The following ANKS1B variants were observed in gnomAD, a reference collection of about 807,000 sequenced individuals.
ANKS1B encodes the protein ankyrin repeat and sterile alpha motif domain-containing protein 1B.
Under a neutral mutation model 148.3 loss-of-function variants are expected in ANKS1B, and 36 were observed. The ratio of observed to expected loss-of-function variants is 0.24; its 90% CI spans 0.19 to 0.32. ANKS1B has a LOEUF of 0.32. Ranked by LOEUF, ANKS1B falls within the 10% of genes least tolerant of loss-of-function variation. The pLI is 1.00. For synonymous variants in ANKS1B, 542 were observed against 560.8 expected (o/e 0.97, Z 0.47); for missense variants, 1,157 against 1,542.6 (o/e 0.75, Z 4.19).
intron 17 of ANKS1B, among the ~76,000 whole-genome samples, chr12:98,843,116 C>T (rs1015807241): frequency 1.3e-5 from 2 of 152,226 alleles, no homozygotes; most frequent in African/African-American, 2.4e-5. Flanking sequence ...AAATTAATCA[C>T]ATCAACAGTG....
chr12:99,831,103 C>T (rs538381873), intron 1 of ANKS1B, among the ~76,000 whole-genome samples: 4 of 152,166 alleles, frequency 2.6e-5, no homozygotes, highest in Non-Finnish European at 5.9e-5. Context: ...AGCTCCACCA[C>T]ACTATCTTTG....
intron 4 of ANKS1B, among the ~76,000 whole-genome samples, chr12:99,785,495 A>G (rs1358716059): frequency 2.0e-5 from 3 of 151,680 alleles, no homozygotes; most frequent in African/African-American, 7.3e-5. Context: ...GTGCTGTGGC[A>G]TGATCTCAGC....
At chr12:99,382,108 G>A (rs1317480110) in intron 12 of ANKS1B, among the ~76,000 whole-genome samples, 1 of 152,192 alleles carries the variant, frequency 6.6e-6, no homozygotes, top group Non-Finnish European at 1.5e-5. Flanking sequence ...GAAGAGCAGT[G>A]AATGACCCAT....
At chr12:99,984,018 G>C (rs1029618856) in intron 1 of ANKS1B, 86 bp downstream of exon 1, 2 of 1,195,416 alleles carry the variant, frequency 1.7e-6, no homozygotes, top group Admixed American at 2.3e-5. Context: ...GCAGCCACCA[G>C]GTGCAATAAC....
At chr12:99,611,212 C>T (rs1435865423) in intron 9 of ANKS1B, among the ~76,000 whole-genome samples, 2 of 151,966 alleles carry the variant, frequency 1.3e-5, no homozygotes, top group Non-Finnish European at 2.9e-5. Flanking sequence ...TGGTATAAAA[C>T]CCTTATTTTA....
At chr12:98,951,896 C>G (rs1242007536) in intron 17 of ANKS1B, among the ~76,000 whole-genome samples, 1 of 152,164 alleles carries the variant, frequency 6.6e-6, no homozygotes, top group Non-Finnish European at 1.5e-5. Flanking sequence ...GATTCCAAGA[C>G]CTTTCATCAC....
Position 99,207,779 on chromosome 12 carries a change from T to A in ANKS1B, c.2419+36563A>T, listed in dbSNP as rs143357313. Among the ~76,000 whole-genome samples, 767 of 152,204 alleles carry A rather than the reference T, an allele frequency of 5.0e-3. 13 individuals carry two copies. Among genetic ancestry groups the A allele is most frequent in the South Asian group, 0.048 (231 of 4,828 alleles). On this transcript the variant is annotated intron_variant, in intron 14 of 26. Transcript: ENST00000683438. ...ATGAGGTATGAAAGATGTGTTTTTG[T>A]TAAGGAAGAAAGAGAGTAATTTTTC...
chr12:99,086,122 G>A (rs1271634045), intron 15 of ANKS1B, among the ~76,000 whole-genome samples: 11 of 152,150 alleles, frequency 7.2e-5, no homozygotes, highest in Admixed American at 1.3e-4. Flanking sequence ...TTCCAGTCCC[G>A]TGATGGAAAG....
chr12:99,098,761 C>T (rs2057081545), intron 15 of ANKS1B, among the ~76,000 whole-genome samples: 1 of 143,722 alleles, frequency 7.0e-6, no homozygotes, highest in South Asian at 2.3e-4. Context: ...ATTCAGGGTT[C>T]CCCCCCCCAC....
intron 17 of ANKS1B, chr12:98,931,866 TC>T (rs1456580477): frequency 1.3e-5 from 2 of 152,136 alleles, no homozygotes; most frequent in Non-Finnish European, 2.9e-5. Flanking sequence ...AGGCACTTTT[TC>T]CTGAAAGAGA....
intron 1 of ANKS1B, among the ~76,000 whole-genome samples, chr12:99,835,950 T>TG (rs1479549685): frequency 2.0e-5 from 3 of 152,126 alleles, no homozygotes; most frequent in African/African-American, 4.8e-5. Flanking sequence ...TAAAAGTTGA[T>TG]GAAAAATAAA....
chr12:99,479,349 G>A (rs1228278938), intron 10 of ANKS1B, among the ~76,000 whole-genome samples: 2 of 151,962 alleles, frequency 1.3e-5, no homozygotes, highest in African/African-American at 4.8e-5. Flanking sequence ...TAAATTCTCT[G>A]ACTCAGCAAT....
chr12:99,807,450 A>T (rs1055383107), intron 3 of ANKS1B, among the ~76,000 whole-genome samples: 1 of 152,166 alleles, frequency 6.6e-6, no homozygotes, highest in Non-Finnish European at 1.5e-5. Flanking sequence ...GGGACCCTTC[A>T]GACTATTTGA....
chr12:98,835,016 C>T (rs1377849671), intron 17 of ANKS1B, among the ~76,000 whole-genome samples: 4 of 152,142 alleles, frequency 2.6e-5, no homozygotes, highest in Admixed American at 2.6e-4. Flanking sequence ...CAGCAGGTAG[C>T]TGGACCTCAT....
chr12:99,909,266 GTA>G (rs2153784458), intron 1 of ANKS1B, among the ~76,000 whole-genome samples: 2 of 111,638 alleles, frequency 1.8e-5, no homozygotes, highest in East Asian at 6.2e-4. Flanking sequence ...GTGTGTGTGT[GTA>G]CCACCATTTC....
At chr12:98,991,743 T>C (rs1308841223) in intron 17 of ANKS1B, among the ~76,000 whole-genome samples, 3 of 152,216 alleles carry the variant, frequency 2.0e-5, no homozygotes, top group African/African-American at 7.2e-5. Flanking sequence ...TGAAGTCGCA[T>C]AGCTAGTAAA....
chr12:99,655,102 C>T lies in ANKS1B; in HGVS notation c.1237G>A (p.Gly413Arg). 1 of 1,610,084 alleles carries T rather than the reference C, an allele frequency of 6.2e-7. No homozygotes were observed. The highest frequency in any genetic ancestry group is 1.7e-4 in the Middle Eastern group (1 of 6,050). The stretch of plus-strand genomic sequence containing the variant: ...ATGGGGAAGCCAAGGTTCCTACATC[C>T]ATTACACGGAGTTAATGCTTCCCAA... Reference protein sequence around the residue: ...GLWEALTPCNGCRNLGFPMLA... With the variant: ...GLWEALTPCNRCRNLGFPMLA... Residue 413 changes from glycine to arginine, a missense_variant, in exon 9 of 27, where the codon GGA (glycine) becomes AGA (arginine). This residue lies in a region of ANKS1B where 661 missense variants were observed against 642.1 expected (regional missense o/e 1.03). Transcript: ENST00000683438.
chr12:99,410,291 C>T (rs756057246), intron 11 of ANKS1B, among the ~76,000 whole-genome samples: 18 of 151,874 alleles, frequency 1.2e-4, no homozygotes, highest in Non-Finnish European at 2.2e-4. Flanking sequence ...GTAGTTGTAA[C>T]GTAGACCTTA....
chr12:99,470,980 T>A (rs998166967), intron 10 of ANKS1B, among the ~76,000 whole-genome samples: 1 of 152,120 alleles, frequency 6.6e-6, no homozygotes, highest in Non-Finnish European at 1.5e-5. Flanking sequence ...AGATCTTACA[T>A]GTTATAAAAG....
Sources: allele counts gnomAD v4.1 joint callset (sites outside exome capture counted in the v4.1 genomes callset), GRCh38; gene constraint gnomAD v4.1.1; regional missense constraint gnomAD v4.1.1; transcripts MANE v1.5; gene names NCBI Gene and HGNC (gene_info 2026-07-23, HGNC 2026-07-21).